The following TECTA variants were observed in gnomAD, a reference collection of about 807,000 sequenced individuals.
TECTA encodes alpha-tectorin.
TECTA carries 128 observed loss-of-function variants against 216.8 expected under a neutral mutation model. That is an observed-to-expected ratio of 0.59 (90% CI 0.51 to 0.68). TECTA has a LOEUF of 0.68. TECTA is among the 30% of genes least tolerant of loss of function. The pLI is 0.00. For synonymous variants in TECTA, 1,089 were observed against 1,117.1 expected (o/e 0.97, Z 0.50); for missense variants, 2,551 against 2,786.2 (o/e 0.92, Z 1.90).
At chr11:121,103,870 C>T (rs1946368066) in intron 2 of TECTA, among the ~76,000 whole-genome samples, 2 of 152,074 alleles carry the variant, frequency 1.3e-5, no homozygotes, top group South Asian at 4.1e-4. Context: ...AAATATTTAA[C>T]AGTCCGTTCT....
chr11:121,122,614 T>C (rs531601255), intron 7 of TECTA, among the ~76,000 whole-genome samples: 1 of 143,276 alleles, frequency 7.0e-6, no homozygotes, highest in East Asian at 2.1e-4. Flanking sequence ...GGAGGGCAGA[T>C]TGCTTGAGCT....
intron 6 of TECTA, among the ~76,000 whole-genome samples, chr11:121,117,883 T>C (rs1946515546): frequency 6.6e-6 from 1 of 152,200 alleles, no homozygotes; most frequent in Admixed American, 6.5e-5. Context: ...ATGAACAAAT[T>C]AGCAAGCAAA....
rs1240727634 is a variant in TECTA at position 121,113,388 on chromosome 11, A to G, written c.625-165A>G. Among the ~76,000 whole-genome samples, 1 of 152,172 alleles carries G rather than the reference A, an allele frequency of 6.6e-6. No homozygotes were observed. Among genetic ancestry groups the G allele is most frequent in the Non-Finnish European group, 1.5e-5 (1 of 68,034 alleles). ...TTTGGCACCCTGACTCGGCTATGAA[A>G]TGAACTAGGCAGTCCTTTCTCACCT... On this transcript the variant is annotated intron_variant, in intron 5 of 23. Coordinates refer to ENST00000392793, the MANE Select transcript of TECTA (RefSeq NM_005422.4). This position sits in a 1 kb window ranked among gnomAD's most constrained non-coding sequence, Gnocchi z 4.2.
At chr11:121,186,407 C>T (rs1274613303) in intron 20 of TECTA, among the ~76,000 whole-genome samples, 2 of 152,212 alleles carry the variant, frequency 1.3e-5, no homozygotes, top group South Asian at 2.1e-4. Flanking sequence ...CGTCTGTGCT[C>T]ACTCTAAGAA....
intron 20 of TECTA, among the ~76,000 whole-genome samples, chr11:121,186,510 G>A (rs1947290297): frequency 1.3e-5 from 2 of 152,198 alleles, no homozygotes. Flanking sequence ...GAGAGAGTTG[G>A]TGGTCTGGTT....
intron 10 of TECTA, among the ~76,000 whole-genome samples, chr11:121,134,153 G>A (rs948596160): frequency 6.6e-6 from 1 of 151,916 alleles, no homozygotes; most frequent in African/African-American, 2.4e-5. Flanking sequence ...GGTGCTTCGC[G>A]CTCATCTTTT....
intron 20 of TECTA, among the ~76,000 whole-genome samples, chr11:121,172,192 TTTA>T (rs1027808742): frequency 4.2e-4 from 64 of 152,192 alleles, no homozygotes; most frequent in Admixed American, 4.0e-3. Context: ...TTTATTTTAT[TTTA>T]TTATTATTAT....
intron 7 of TECTA, among the ~76,000 whole-genome samples, chr11:121,120,777 C>A (rs1222431191): frequency 6.6e-6 from 1 of 152,256 alleles, no homozygotes; most frequent in Non-Finnish European, 1.5e-5. Context: ...AATACCAGTT[C>A]TCATCTTTCT....
Position 121,160,366 on chromosome 11 carries a change from G to T in TECTA, c.4921G>T (p.Val1641Leu). 6.2e-7 allele frequency: 1 copy of T among 1,613,798 alleles called. No individual in the cohort carries two copies. The highest frequency in any genetic ancestry group is 8.5e-7 in the Non-Finnish European group (1 of 1,180,018). Residue 1641 changes from valine to leucine, a missense_variant, in exon 15 of 24, where the codon GTG becomes TTG. By Grantham distance (32) the Val-to-Leu change is conservative. Coordinates refer to ENST00000392793, the MANE Select transcript of TECTA (RefSeq NM_005422.4). ...DDYVTLRGKP[V>L]VSSVVLAQSW... ...TTATGTGACCTTGCGAGGGAAGCCG[G>T]TGGTAAGCAGCGTGGTGCTGGCCCA...
chr11:121,109,563 T>G, intron 4 of TECTA, 65 bp downstream of exon 4: 1 of 1,572,236 alleles, frequency 6.4e-7, no homozygotes, highest in Non-Finnish European at 8.7e-7. Context: ...CCATCTTCGC[T>G]ACCACGAAGG....
At chr11:121,109,089 C>T in intron 3 of TECTA, 122 bp from the exon 4 acceptor site, 1 of 1,082,294 alleles carries the variant, frequency 9.2e-7, no homozygotes, top group Non-Finnish European at 1.4e-6. Context: ...TTTGGGGGTT[C>T]TAATTCAGTA....
At chr11:121,109,534 C>A in intron 4 of TECTA, 36 bp downstream of exon 4, 3 of 1,612,086 alleles carry the variant, frequency 1.9e-6, no homozygotes, top group Non-Finnish European at 2.5e-6. Context: ...CACTTCATAA[C>A]CTGACATCTA....
chr11:121,179,311 G>A (rs1163085837), intron 20 of TECTA, among the ~76,000 whole-genome samples: 1 of 152,030 alleles, frequency 6.6e-6, no homozygotes, highest in African/African-American at 2.4e-5. Flanking sequence ...TCAGGAGCAT[G>A]TGGCCTAATT....
Position 121,137,554 on chromosome 11 carries a change from A to G in TECTA, c.3075A>G (p.Leu1025=), listed in dbSNP as rs921630715. 80 of 1,613,782 alleles carry G rather than the reference A, an allele frequency of 5.0e-5. No homozygotes were observed. The highest frequency in any genetic ancestry group is 6.5e-5 in the Non-Finnish European group (77 of 1,179,974). ...EGCQCDEGYA[L]LGSQCVTRSE... ...GTCAGTGTGATGAGGGCTATGCTCT[A>G]CTGGGCAGCCAGTGTGTCACGCGGA... Residue 1025 remains leucine, a synonymous_variant, in exon 11 of 24, where the codon CTA becomes CTG. Coordinates refer to ENST00000392793, the MANE Select transcript of TECTA (RefSeq NM_005422.4).
At chr11:121,153,930 CT>C (rs1345242343) in intron 13 of TECTA, among the ~76,000 whole-genome samples, 29 of 152,192 alleles carry the variant, frequency 1.9e-4, no homozygotes, top group Non-Finnish European at 3.7e-4. Flanking sequence ...TGGTTAACAA[CT>C]ACAGATAATT....
At position 121,152,980 on chromosome 11, in the gene TECTA, G is replaced by T; in HGVS notation, c.4205G>T (p.Cys1402Phe). Residue 1402 changes from cysteine to phenylalanine, a missense_variant, in exon 13 of 24, where the codon TGC (cysteine) becomes TTC (phenylalanine). By Grantham distance (205) the Cys-to-Phe change is radical. This residue lies in a region of TECTA where 2,375 missense variants were observed against 2,563.9 expected (regional missense o/e 0.93). Coordinates refer to ENST00000392793, the MANE Select transcript of TECTA (RefSeq NM_005422.4). Reference protein sequence around the residue: ...IRLKSDCSHYCVEGCHCDAGY... With the variant: ...IRLKSDCSHYFVEGCHCDAGY... ...CTGAAGAGTGACTGCAGCCACTACTGCGTGGAGGGCTGTCACTGCGACGCT... is the reference window on the plus strand; with the variant it reads ...CTGAAGAGTGACTGCAGCCACTACTTCGTGGAGGGCTGTCACTGCGACGCT... 1 of 1,614,170 alleles carries T rather than the reference G, an allele frequency of 6.2e-7. No homozygotes were observed. Among genetic ancestry groups the T allele is most frequent in the Non-Finnish European group, 8.5e-7 (1 of 1,180,044 alleles).
chr11:121,102,612 G>A, intron 1 of TECTA, 53 bp from the exon 2 acceptor site: 5 of 1,461,794 alleles, frequency 3.4e-6, no homozygotes, highest in South Asian at 3.4e-5. Flanking sequence ...CTGGTGTTCT[G>A]TTTACTCTGG....
Position 121,128,252 on chromosome 11 carries a change from C to A in TECTA, c.2275C>A (p.Pro759Thr). ...GGAAATCGACATCAACAAGAAGAAGCCCGATGCAGGACCTGCTTGGCTGCG... is the reference window on the plus strand; with the variant it reads ...GGAAATCGACATCAACAAGAAGAAGACCGATGCAGGACCTGCTTGGCTGCG... ...YLEIDINKKKPDAGPAWLRGL... is the reference protein window; with the variant it reads ...YLEIDINKKKTDAGPAWLRGL... Residue 759 changes from proline to threonine, a missense_variant, in exon 9 of 24, where the codon CCC (proline) becomes ACC (threonine). Transcript: ENST00000392793. 1.2e-6 allele frequency: 2 copies of A among 1,600,332 alleles called. No homozygotes were observed. Among genetic ancestry groups the A allele is most frequent in the South Asian group, 2.2e-5 (2 of 91,082 alleles).
Position 121,189,885 on chromosome 11 carries a change from A to T in TECTA, c.6367+5A>T, listed in dbSNP as rs2134217801. 1 of 1,609,842 alleles carries T rather than the reference A, an allele frequency of 6.2e-7. No homozygotes were observed. The highest frequency in any genetic ancestry group is 1.7e-5 in the Admixed American group (1 of 59,992). On this transcript the variant is annotated splice_donor_5th_base_variant and intron_variant, in intron 23 of 23. Transcript: ENST00000392793. Reference sequence around the variant, plus strand: ...AGGACGGCAAGAGCTGCAGAGGTAGACACTCTTCTACCCTGGGGCAGGCAG... The same window carrying T: ...AGGACGGCAAGAGCTGCAGAGGTAGTCACTCTTCTACCCTGGGGCAGGCAG...
Sources: gnomAD v4.1 joint callset for allele counts (sites outside exome capture counted in the v4.1 genomes callset) on GRCh38, gnomAD v4.1.1 for gene constraint, gnomAD v4.1.1 regional missense constraint, Gnocchi (gnomAD v3.1) non-coding constraint, MANE v1.5 for transcripts, NCBI Gene and HGNC (gene_info 2026-07-23, HGNC 2026-07-21) for gene names.